The following PREP variants were observed in gnomAD, a reference collection of about 807,000 sequenced individuals.
The protein encoded by PREP is dJ355L5.1 (prolyl endopeptidase).
In PREP, 29 loss-of-function variants were observed where a neutral mutation model predicts 87.6. The observed-to-expected ratio is 0.33, with a 90% CI of 0.25 to 0.45. PREP has a LOEUF of 0.45. Ranked by LOEUF, PREP falls within the 20% of genes least tolerant of loss-of-function variation. The pLI, the probability that PREP is intolerant of heterozygous loss-of-function variation, is 1.00. For missense variants in PREP, 695 were observed against 886.5 expected (o/e 0.78, Z 2.74); for synonymous variants, 337 against 328.6 (o/e 1.03, Z -0.28).
intron 10 of PREP, chr6:105,322,922 T>C (rs1269920002): frequency 1.6e-6 from 2 of 1,218,154 alleles, no homozygotes; most frequent in Non-Finnish European, 2.1e-6. Context: ...TTTATTCTCA[T>C]CTTCCTTCAC....
At chr6:105,283,540 G>GT (rs1240034305) in intron 12 of PREP, among the ~76,000 whole-genome samples, 1 of 152,150 alleles carries the variant, frequency 6.6e-6, no homozygotes, top group Non-Finnish European at 1.5e-5. Context: ...TAAGATTTCA[G>GT]TAAGAAATTA....
At chr6:105,282,992 C>T (rs987786283) in intron 12 of PREP, among the ~76,000 whole-genome samples, 3 of 152,210 alleles carry the variant, frequency 2.0e-5, no homozygotes, top group Non-Finnish European at 4.4e-5. Context: ...ACCCAGCACC[C>T]GAGCCGGAGC....
intron 10 of PREP, among the ~76,000 whole-genome samples, chr6:105,305,033 C>A (rs1770624860): frequency 6.6e-6 from 1 of 152,130 alleles, no homozygotes; most frequent in South Asian, 2.1e-4. Flanking sequence ...TGAGATTGCA[C>A]CTGCATAATA....
chr6:105,315,816 C>T (rs959108416), intron 10 of PREP, among the ~76,000 whole-genome samples: 1 of 152,234 alleles, frequency 6.6e-6, no homozygotes, highest in African/African-American at 2.4e-5. Flanking sequence ...CAGATGGCTT[C>T]GTTCCTTAAA....
Position 105,342,493 on chromosome 6 carries a change from C to T in PREP, c.824-8988G>A, listed in dbSNP as rs1385517665. Among the ~76,000 whole-genome samples, 4 of 152,188 alleles carry T rather than the reference C, an allele frequency of 2.6e-5. No individual in the cohort carries two copies. In the East Asian group the frequency reaches 5.8e-4, roughly 22 times the overall value. ...GGCACAAGACAGGGATGCCCTCTCT[C>T]GCCACTACTATTCAACATAGTGTTG... On this transcript the variant is annotated intron_variant, in intron 7 of 14. Transcript: ENST00000652536.
chr6:105,329,038 A>G lies in PREP; in HGVS notation c.1016-12T>C, dbSNP rs762638808. On this transcript the variant is annotated splice_polypyrimidine_tract_variant and intron_variant, in intron 8 of 14. Coordinates refer to ENST00000652536, the MANE Select transcript of PREP (RefSeq NM_002726.5). ...ACAAGCTATCCATTCTGAAAGGATA[A>G]GAAGAGAAAAAACCTAATGCAATTT... The G allele has an allele frequency of 2.5e-6, 4 of 1,607,342 alleles. No individual in the cohort carries two copies. The African/African-American group carries it at 4.0e-5, about 16-fold the overall frequency.
At chr6:105,379,702 T>C (rs1327539768) in intron 2 of PREP, among the ~76,000 whole-genome samples, 1 of 152,170 alleles carries the variant, frequency 6.6e-6, no homozygotes, top group East Asian at 1.9e-4. Flanking sequence ...GGTAGGAACA[T>C]CAGGGAGCTG....
At position 105,278,268 on chromosome 6, in the gene PREP, A is replaced by AG. The variant is rs1270300092; in HGVS notation, c.2008dup (p.Leu670ProfsTer50). 6.2e-7 allele frequency: 1 copy of AG among 1,614,082 alleles called. No individual in the cohort carries two copies. The highest frequency in any genetic ancestry group is 8.5e-7 in the Non-Finnish European group (1 of 1,180,042). ...CGCCTTGGTGTCCACGTGGATAAGC[A>AG]GGGGGTTGCTTTGCTTCCTGCTGCG... On this transcript the variant is annotated frameshift_variant, in exon 15 of 15. Transcript: ENST00000652536. LOFTEE classifies it high-confidence loss of function. The surrounding 1 kb of genome is among the most constrained non-coding windows in gnomAD (Gnocchi z 4.2).
intron 10 of PREP, among the ~76,000 whole-genome samples, chr6:105,302,122 A>C (rs184626719): frequency 2.1e-3 from 321 of 152,334 alleles, no homozygotes; most frequent in Non-Finnish European, 3.9e-3. Flanking sequence ...CTTTGTAGTT[A>C]ATGAAGACAC....
At chr6:105,305,267 A>G (rs1215161981) in intron 10 of PREP, among the ~76,000 whole-genome samples, 1 of 152,162 alleles carries the variant, frequency 6.6e-6, no homozygotes, top group Admixed American at 6.5e-5. Flanking sequence ...GTGAACTACT[A>G]AAGAGAGGCA....
chr6:105,282,386 A>C (rs1770102690), intron 13 of PREP, 65 bp downstream of exon 13: 1 of 1,549,858 alleles, frequency 6.5e-7, no homozygotes, highest in East Asian at 2.3e-5. Context: ...CTGCCTACAG[A>C]TGGTGTATCT....
intron 7 of PREP, among the ~76,000 whole-genome samples, chr6:105,335,318 G>A (rs893640115): frequency 1.6e-4 from 24 of 152,198 alleles, no homozygotes; most frequent in African/African-American, 4.8e-4. Context: ...TAATTTCACA[G>A]TGAAATTGCT....
At chr6:105,350,741 G>A (rs895973276) in intron 7 of PREP, among the ~76,000 whole-genome samples, 2 of 152,180 alleles carry the variant, frequency 1.3e-5, no homozygotes, top group Non-Finnish European at 2.9e-5. Flanking sequence ...AACTGCAATT[G>A]TTGAGAACTT....
At chr6:105,362,243 T>C (rs934595925) in intron 6 of PREP, among the ~76,000 whole-genome samples, 1 of 152,120 alleles carries the variant, frequency 6.6e-6, no homozygotes, top group African/African-American at 2.4e-5. Flanking sequence ...GCCGAATCAT[T>C]TGAGGTGAGG....
intron 2 of PREP, among the ~76,000 whole-genome samples, chr6:105,390,599 T>C (rs1240767681): frequency 2.0e-5 from 3 of 152,240 alleles, no homozygotes; most frequent in Admixed American, 6.5e-5. Flanking sequence ...AATTTTTCTT[T>C]TGTGTATTTC....
chr6:105,340,653 C>T lies in PREP; in HGVS notation c.824-7148G>A, dbSNP rs528913595. On this transcript the variant is annotated intron_variant, in intron 7 of 14. Transcript: ENST00000652536. Reference sequence around the variant, plus strand: ...TGCTATATTCAGAAGACCCATCTCACGTGCAGAGACACATATATGCTGAAA... The same window carrying T: ...TGCTATATTCAGAAGACCCATCTCATGTGCAGAGACACATATATGCTGAAA... Among the ~76,000 whole-genome samples the T allele has an allele frequency of 6.6e-5, 10 of 152,230 alleles. No homozygotes were observed. The South Asian group carries it at 8.3e-4, about 13-fold the overall frequency.
At chr6:105,378,528 T>C (rs1175045047) in intron 2 of PREP, among the ~76,000 whole-genome samples, 1 of 152,136 alleles carries the variant, frequency 6.6e-6, no homozygotes, top group Admixed American at 6.5e-5. Context: ...ACATGGTTTA[T>C]AAGAAAGGCA....
At chr6:105,321,987 C>A (rs990502348) in intron 10 of PREP, among the ~76,000 whole-genome samples, 3 of 152,074 alleles carry the variant, frequency 2.0e-5, no homozygotes, top group African/African-American at 7.2e-5. Flanking sequence ...GAGAGGCACA[C>A]CTATCCTTGC....
chr6:105,384,284 G>T (rs1353207526), intron 2 of PREP, among the ~76,000 whole-genome samples: 1 of 152,206 alleles, frequency 6.6e-6, no homozygotes, highest in Admixed American at 6.5e-5. Context: ...CTGAATTCAG[G>T]AGTGTACAGG....
Sources: allele counts gnomAD v4.1 joint callset (sites outside exome capture counted in the v4.1 genomes callset), GRCh38; gene constraint gnomAD v4.1.1; non-coding constraint Gnocchi (gnomAD v3.1); transcripts MANE v1.5; gene names NCBI Gene and HGNC (gene_info 2026-07-23, HGNC 2026-07-21).